The following OSBPL6 variants were observed in gnomAD, a reference collection of about 807,000 sequenced individuals.
The protein encoded by OSBPL6 is oxysterol-binding protein-related protein 6.
A neutral mutation model predicts 125.8 loss-of-function variants in OSBPL6; 49 were observed. The ratio of observed to expected loss-of-function variants is 0.39; its 90% CI spans 0.31 to 0.49. The LOEUF (loss-of-function observed/expected upper bound fraction) is 0.49. Among genes scored for constraint, OSBPL6 ranks in the 20% least tolerant of loss-of-function variants. The probability of loss-of-function intolerance (pLI) is 0.88; values close to 1 mark genes in which losing one functional copy is unlikely to be tolerated. For missense variants in OSBPL6, 986 were observed against 1,135.4 expected (o/e 0.87, Z 1.89); for synonymous variants, 394 against 391.8 (o/e 1.01, Z -0.07).
At chr2:178,250,556 G>A (rs1201216058) in intron 1 of OSBPL6, among the ~76,000 whole-genome samples, 1 of 152,150 alleles carries the variant, frequency 6.6e-6, no homozygotes, top group African/African-American at 2.4e-5. Flanking sequence ...GCGGCTGCTT[G>A]CCTTCCCAGC....
intron 4 of OSBPL6, among the ~76,000 whole-genome samples, chr2:178,327,884 T>C (rs948677143): frequency 4.6e-5 from 7 of 152,216 alleles, no homozygotes; most frequent in Admixed American, 3.9e-4. Context: ...AATTGAACAT[T>C]TGTCATCAAA....
At position 178,399,423 on chromosome 2, in the gene OSBPL6, T is replaced by C. The variant is rs1166148086; in HGVS notation, c.*3864T>C. The C allele has an allele frequency of 6.6e-6, 1 of 152,234 alleles. No individual in the cohort carries two copies. 9.4% of individuals were successfully genotyped at this position (152,234 alleles called of 1,614,324 possible). A position where few individuals can be genotyped will look rare whatever the true frequency, so the allele number is the denominator to read the frequency against. ...AACTAAACCTTTGTTTAATACATAA[T>C]TGTAAGAGCATATATTTGTTATTGA... On this transcript the variant is annotated 3_prime_UTR_variant, in exon 25 of 25. Transcript: ENST00000190611.
At position 178,336,284 on chromosome 2, in the gene OSBPL6, A is replaced by G. The variant is rs200443413; in HGVS notation, c.658-17A>G. On this transcript the variant is annotated splice_polypyrimidine_tract_variant and intron_variant, in intron 8 of 24. Coordinates refer to ENST00000190611, the MANE Select transcript of OSBPL6 (RefSeq NM_032523.4). ...GTACTGTTTCATAACCATACAATTCATCTTTGTTTGCCGTAGATGCAACCA... is the reference window on the plus strand; with the variant it reads ...GTACTGTTTCATAACCATACAATTCGTCTTTGTTTGCCGTAGATGCAACCA... 230 of 1,612,302 alleles carry G rather than the reference A, an allele frequency of 1.4e-4. 1 individual carries two copies. In the Middle Eastern group the frequency reaches 2.1e-3, roughly 15 times the overall value.
intron 3 of OSBPL6, among the ~76,000 whole-genome samples, chr2:178,307,986 G>A (rs886644427): frequency 2.0e-5 from 3 of 152,218 alleles, no homozygotes; most frequent in Non-Finnish European, 4.4e-5. Flanking sequence ...TCACTGGCTT[G>A]TGAATGAAAA....
At chr2:178,321,617 C>T (rs1336932035) in intron 3 of OSBPL6, among the ~76,000 whole-genome samples, 2 of 152,072 alleles carry the variant, frequency 1.3e-5, no homozygotes, top group Non-Finnish European at 2.9e-5. Flanking sequence ...GAGCTGTTGG[C>T]TTCTTCATTG....
At position 178,233,565 on chromosome 2, in the gene OSBPL6, G is replaced by A. The variant is rs530202997; in HGVS notation, c.-351+38891G>A. Among the ~76,000 whole-genome samples the A allele has an allele frequency of 5.9e-5, 9 of 152,242 alleles. No homozygotes were observed. In the South Asian group the frequency reaches 1.2e-3, roughly 21 times the overall value. ...TGTCAGATTAAAAATCTCATCAGAC[G>A]TCAGTGTCTTTGATTTCACTCACAT... On this transcript the variant is annotated intron_variant, in intron 1 of 24. Coordinates refer to ENST00000190611, the MANE Select transcript of OSBPL6 (RefSeq NM_032523.4).
intron 23 of OSBPL6, 51 bp from the exon 24 acceptor site, chr2:178,394,262 T>TC (rs751788228): frequency 7.6e-6 from 12 of 1,586,694 alleles, no homozygotes; most frequent in African/African-American, 5.5e-5. Flanking sequence ...AGGTTTTTTT[T>TC]CCCCCAGAAA....
intron 19 of OSBPL6, among the ~76,000 whole-genome samples, chr2:178,385,771 C>G (rs2154115824): frequency 6.6e-6 from 1 of 152,320 alleles, no homozygotes; most frequent in South Asian, 2.1e-4. Flanking sequence ...GCGGACTGTG[C>G]CGGTGGAGAG....
intron 15 of OSBPL6, among the ~76,000 whole-genome samples, chr2:178,381,806 C>G (rs973667309): frequency 1.3e-5 from 2 of 152,164 alleles, no homozygotes; most frequent in Non-Finnish European, 2.9e-5. Context: ...GTATATGAAC[C>G]CTTTTTGTTG....
chr2:178,378,191 A>AAT (rs897394788), intron 15 of OSBPL6, among the ~76,000 whole-genome samples: 11 of 151,920 alleles, frequency 7.2e-5, no homozygotes, highest in South Asian at 2.1e-4. Context: ...CACTGTCTTA[A>AAT]ATATATATAT....
intron 1 of OSBPL6, among the ~76,000 whole-genome samples, chr2:178,217,817 A>T (rs1405121645): frequency 6.6e-6 from 1 of 152,208 alleles, no homozygotes; most frequent in Non-Finnish European, 1.5e-5. Flanking sequence ...CGCCATCTTG[A>T]ACATGATTGG....
intron 3 of OSBPL6, among the ~76,000 whole-genome samples, chr2:178,311,685 A>C (rs1051173761): frequency 5.9e-5 from 9 of 152,228 alleles, no homozygotes; most frequent in African/African-American, 2.2e-4. Flanking sequence ...AATAATCATG[A>C]GGTCAGGAGA....
intron 1 of OSBPL6, among the ~76,000 whole-genome samples, chr2:178,258,895 T>C (rs1033754715): frequency 6.6e-6 from 1 of 152,220 alleles, no homozygotes; most frequent in Non-Finnish European, 1.5e-5. Flanking sequence ...TTTTTTTTAA[T>C]CAGGAATATA....
intron 3 of OSBPL6, among the ~76,000 whole-genome samples, chr2:178,316,316 T>A (rs1251826611): frequency 6.6e-6 from 1 of 152,196 alleles, no homozygotes; most frequent in South Asian, 2.1e-4. Context: ...TAAAAACATG[T>A]ATTCTAAGGA....
chr2:178,392,315 T>C, intron 22 of OSBPL6, 97 bp from the exon 23 acceptor site: 2 of 1,337,480 alleles, frequency 1.5e-6, no homozygotes. Context: ...GACTACAAAT[T>C]TGGTGTTAGT....
intron 11 of OSBPL6, among the ~76,000 whole-genome samples, chr2:178,342,842 T>C (rs1574920734): frequency 6.6e-6 from 1 of 152,306 alleles, no homozygotes; most frequent in East Asian, 1.9e-4. Context: ...AGAAAGTACA[T>C]AGTAGCAGAC....
chr2:178,193,831 G>C (rs991545984), upstream of OSBPL6, among the ~76,000 whole-genome samples: 3 of 152,164 alleles, frequency 2.0e-5, no homozygotes, highest in African/African-American at 7.2e-5. Context: ...GCTTTGCCAG[G>C]GGCTTGAAGG....
chr2:178,394,573 G>T (rs1248444379), intron 24 of OSBPL6, 138 bp downstream of exon 24: 1 of 1,145,272 alleles, frequency 8.7e-7, no homozygotes, highest in African/African-American at 1.6e-5. Flanking sequence ...ATATTGAATC[G>T]ATTTTGCACT....
At chr2:178,395,091 A>T (rs1695735553) in intron 24 of OSBPL6, among the ~76,000 whole-genome samples, 1 of 152,094 alleles carries the variant, frequency 6.6e-6, no homozygotes, top group Non-Finnish European at 1.5e-5. Context: ...AGCTACTGAT[A>T]TTGCATACTT....
Sources: gnomAD v4.1 joint callset for allele counts (sites outside exome capture counted in the v4.1 genomes callset) on GRCh38, gnomAD v4.1.1 for gene constraint, MANE v1.5 for transcripts, NCBI Gene and HGNC (gene_info 2026-07-23, HGNC 2026-07-21) for gene names.